Variants in PIGL observed in about 807,000 individuals in gnomAD.
PIGL encodes phosphatidylinositol glycan anchor biosynthesis class L, also known as N-acetylglucosaminyl-phosphatidylinositol de-N-acetylase.
PIGL carries 22 observed loss-of-function variants against 31.1 expected under a neutral mutation model. The observed-to-expected ratio is 0.71, with a 90% CI of 0.51 to 1.01. The LOEUF (loss-of-function observed/expected upper bound fraction) is 1.01, where lower values mean the gene tolerates loss of function less well. Ranked by LOEUF, PIGL falls within the 50% of genes least tolerant of loss-of-function variation. The pLI, the probability that PIGL is intolerant of heterozygous loss-of-function variation, is 0.00. For synonymous variants in PIGL, 131 were observed against 117.4 expected (o/e 1.12, Z -0.75); for missense variants, 302 against 315.9 (o/e 0.96, Z 0.33).
intron 3 of PIGL, among the ~76,000 whole-genome samples, chr17:16,310,038 A>G (rs2093042239): frequency 6.8e-6 from 1 of 146,116 alleles, no homozygotes; most frequent in Non-Finnish European, 1.5e-5. Flanking sequence ...AGATCGCACC[A>G]CTGCACTCTA....
At chr17:16,325,379 CAGTTGGCTCTG>C (rs889710244) in intron 6 of PIGL, among the ~76,000 whole-genome samples, 17 of 147,512 alleles carry the variant, frequency 1.2e-4, no homozygotes, top group African/African-American at 4.2e-4. Flanking sequence ...TAGAATCAAT[CAGTTGGCTCTG>C]GGTTAAAATC....
intron 1 of PIGL, among the ~76,000 whole-genome samples, chr17:16,226,620 C>T (rs2092653379): frequency 6.6e-6 from 1 of 152,160 alleles, no homozygotes; most frequent in Admixed American, 6.6e-5. Context: ...GTCTATCACA[C>T]CAAGTAAAGG....
chr17:16,239,794 T>C (rs2092715170), intron 2 of PIGL, among the ~76,000 whole-genome samples: 2 of 152,060 alleles, frequency 1.3e-5, no homozygotes, highest in South Asian at 4.1e-4. Context: ...TTCAACTCTT[T>C]TTTTTTTTAG....
At chr17:16,272,068 C>G (rs540773444) in intron 2 of PIGL, among the ~76,000 whole-genome samples, 2 of 152,298 alleles carry the variant, frequency 1.3e-5, no homozygotes, top group South Asian at 2.1e-4. Flanking sequence ...ATTGGCAACC[C>G]TAACCCCAAA....
At chr17:16,234,237 A>G (rs1310849022) in intron 2 of PIGL, 167 bp downstream of exon 2, 4 of 492,848 alleles carry the variant, frequency 8.1e-6, no homozygotes, top group Non-Finnish European at 1.5e-5. Context: ...TGGGAGGCCG[A>G]GGTGGGCGGT....
At chr17:16,237,675 C>T (rs538121000) in intron 2 of PIGL, among the ~76,000 whole-genome samples, 41 of 151,082 alleles carry the variant, frequency 2.7e-4, no homozygotes, top group Non-Finnish European at 4.7e-4. Flanking sequence ...GTGGCATGCC[C>T]GAAATCCCAA....
chr17:16,242,856 G>A (rs1205657325), intron 2 of PIGL, among the ~76,000 whole-genome samples: 2 of 151,612 alleles, frequency 1.3e-5, no homozygotes, highest in Non-Finnish European at 2.9e-5. Flanking sequence ...GACCACAAAT[G>A]GTCCACTTCC....
chr17:16,312,937 G>A (rs891508264), intron 3 of PIGL: 1 of 144,810 alleles, frequency 6.9e-6, no homozygotes, highest in Non-Finnish European at 1.5e-5. Context: ...AAGGGGGGGG[G>A]AGAGGGAGAG....
intron 1 of PIGL, among the ~76,000 whole-genome samples, chr17:16,222,032 G>C (rs1245803076): frequency 6.6e-6 from 1 of 152,128 alleles, no homozygotes; most frequent in East Asian, 1.9e-4. Flanking sequence ...TACAGCATGA[G>C]CCACTGCTCC....
In PIGL at chr17:16,287,924, CTAAT is replaced by C. The variant is rs1483276443; in HGVS notation, c.336-11961_336-11958del. On this transcript the variant is annotated intron_variant, in intron 2 of 6. Transcript: ENST00000225609. ...AGCTGACGTTGGCCTTTAGGCTTCTCTAATTATTTCCTTAGGTTAGATTTCTAGA... is the reference window on the plus strand; with the variant it reads ...AGCTGACGTTGGCCTTTAGGCTTCTCTATTTCCTTAGGTTAGATTTCTAGA... Among the ~76,000 whole-genome samples, 3 of 152,144 alleles carry C rather than the reference CTAAT, an allele frequency of 2.0e-5. No individual in the cohort carries two copies. In the East Asian group the frequency reaches 5.8e-4, roughly 29 times the overall value.
At chr17:16,291,991 A>G (rs1204517040) in intron 2 of PIGL, among the ~76,000 whole-genome samples, 1 of 151,652 alleles carries the variant, frequency 6.6e-6, no homozygotes, top group Non-Finnish European at 1.5e-5. Flanking sequence ...TAAAAAGTAG[A>G]TAATATTAAA....
At chr17:16,320,015 G>A (rs1349767984) in intron 6 of PIGL, among the ~76,000 whole-genome samples, 3 of 151,372 alleles carry the variant, frequency 2.0e-5, no homozygotes, top group Non-Finnish European at 4.4e-5. Context: ...GTCGGGGATT[G>A]TGGCTCGTGC....
At chr17:16,322,342 G>A (rs139372109) in intron 6 of PIGL, among the ~76,000 whole-genome samples, 54 of 149,102 alleles carry the variant, frequency 3.6e-4, no homozygotes, top group African/African-American at 1.3e-3. Flanking sequence ...TGATCCACCC[G>A]GCTTGGCCTC....
chr17:16,229,473 C>T (rs1393652665), intron 1 of PIGL, among the ~76,000 whole-genome samples: 4 of 138,550 alleles, frequency 2.9e-5, no homozygotes, highest in African/African-American at 1.1e-4. Flanking sequence ...ATTTGAGTAC[C>T]GGTTTTCCTT....
chr17:16,267,300 C>T (rs1018500841), intron 2 of PIGL, among the ~76,000 whole-genome samples: 1 of 151,974 alleles, frequency 6.6e-6, no homozygotes, highest in Non-Finnish European at 1.5e-5. Context: ...TCATCCCTGT[C>T]TTCACATTGA....
intron 6 of PIGL, among the ~76,000 whole-genome samples, chr17:16,321,530 A>G (rs1275924305): frequency 6.6e-6 from 1 of 152,008 alleles, no homozygotes. Context: ...GTGAGCCACC[A>G]TGCCCGGCCC....
At chr17:16,296,547 T>C (rs888056125) in intron 2 of PIGL, among the ~76,000 whole-genome samples, 6 of 149,258 alleles carry the variant, frequency 4.0e-5, no homozygotes, top group Non-Finnish European at 8.9e-5. Flanking sequence ...GAGGCGGAGG[T>C]TGCAGTGAGC....
Position 16,285,314 on chromosome 17 carries a change from C to T in PIGL, c.336-14574C>T, listed in dbSNP as rs140827730. ...AGAAAGGAAAAATCCAGGCCGGGCG[C>T]GGTGGCTCAAGCCTGTAATCCCAGC... On this transcript the variant is annotated intron_variant, in intron 2 of 6. Transcript: ENST00000225609. 2.6e-4 allele frequency among the ~76,000 whole-genome samples: 39 copies of T among 152,330 alleles called. 1 individual carries two copies. The East Asian group carries it at 7.1e-3, about 28-fold the overall frequency.
intron 4 of PIGL, 68 bp downstream of exon 4, chr17:16,313,682 T>A: frequency 8.1e-7 from 1 of 1,230,358 alleles, no homozygotes; most frequent in Non-Finnish European, 1.2e-6. Context: ...TGGTTTAAAG[T>A]CTAAAGCACT....
Sources: allele counts gnomAD v4.1 joint callset (sites outside exome capture counted in the v4.1 genomes callset), GRCh38; gene constraint gnomAD v4.1.1; transcripts MANE v1.5; gene names NCBI Gene and HGNC (gene_info 2026-07-23, HGNC 2026-07-21).